Variants in LGALS2 observed in about 807,000 individuals in gnomAD.
The protein encoded by LGALS2 is galectin 2.
Under a neutral mutation model 10.1 loss-of-function variants are expected in LGALS2, and 7 were observed. The observed-to-expected ratio is 0.70, with a 90% CI of 0.40 to 1.31. The LOEUF is 1.31. Ranked by LOEUF, LGALS2 falls within the 50% of genes most tolerant of loss-of-function variation. The probability of loss-of-function intolerance (pLI) is 0.01; values close to 1 mark genes in which losing one functional copy is unlikely to be tolerated. For synonymous variants in LGALS2, 86 were observed against 64.2 expected (o/e 1.34, Z -1.63); for missense variants, 167 against 163.6 (o/e 1.02, Z -0.11).
chr22:37,579,968 C>A lies in LGALS2; in HGVS notation c.-63G>T. On this transcript the variant is annotated 5_prime_UTR_variant, in exon 1 of 4. The change creates a premature stop within an existing upstream ORF in the 5' untranslated region. Coordinates refer to ENST00000215886, the MANE Select transcript of LGALS2 (RefSeq NM_006498.3). ...GAGGCCTGTGCTCAGGGTCTCAACT[C>A]GTGGTCAAGCTTATATCCTAGAATA... The A allele has an allele frequency of 1.9e-6, 3 of 1,586,172 alleles. No homozygotes were observed. The highest frequency in any genetic ancestry group is 2.6e-6 in the Non-Finnish European group (3 of 1,158,194).
chr22:37,570,791 T>G, intron 2 of LGALS2, 56 bp from the exon 3 acceptor site: 1 of 1,606,754 alleles, frequency 6.2e-7, no homozygotes, highest in Non-Finnish European at 8.5e-7. Context: ...ATAAAGCAGC[T>G]TGGGTTGGAG....
At chr22:37,577,386 G>C (rs1017545051) in intron 1 of LGALS2, among the ~76,000 whole-genome samples, 5 of 140,728 alleles carry the variant, frequency 3.6e-5, no homozygotes, top group African/African-American at 1.3e-4. Flanking sequence ...GTCTCACTCT[G>C]TCACCTAGGC....
intron 1 of LGALS2, among the ~76,000 whole-genome samples, chr22:37,577,910 AG>A (rs1467560390): frequency 6.6e-6 from 1 of 152,218 alleles, no homozygotes. Flanking sequence ...GAGGCAAGAA[AG>A]AACCCTCCCC....
At position 37,572,769 on chromosome 22, in the gene LGALS2, A is replaced by AAT. The variant is rs1925538787; in HGVS notation, c.7-839_7-838insAT. 6.6e-5 allele frequency among the ~76,000 whole-genome samples: 9 copies of AAT among 136,404 alleles called. No individual in the cohort carries two copies. The East Asian group carries it at 1.9e-3, about 29-fold the overall frequency. 89.5% of individuals were successfully genotyped at this position (136,404 alleles called of 152,430 possible). ...GCGACAGAGCGAAACTCCATCTCAA[A>AAT]AATAATAATAATAATAATAATAATA... On this transcript the variant is annotated intron_variant, in intron 1 of 3. Transcript: ENST00000215886.
intron 1 of LGALS2, among the ~76,000 whole-genome samples, chr22:37,579,471 T>C (rs1351640024): frequency 6.6e-6 from 1 of 151,872 alleles, no homozygotes; most frequent in Non-Finnish European, 1.5e-5. Context: ...TCACTCTTGT[T>C]GCCCAGGCTG....
At chr22:37,571,482 A>T (rs1925496340) in intron 2 of LGALS2, among the ~76,000 whole-genome samples, 1 of 152,062 alleles carries the variant, frequency 6.6e-6, no homozygotes, top group African/African-American at 2.4e-5. Context: ...ATGCTCATGA[A>T]ATGCCAGCCT....
intron 1 of LGALS2, among the ~76,000 whole-genome samples, chr22:37,575,582 C>T (rs1196918450): frequency 6.6e-6 from 1 of 151,768 alleles, no homozygotes; most frequent in Non-Finnish European, 1.5e-5. Context: ...CACCTCAGCC[C>T]CCCAGGTAGC....
chr22:37,575,778 G>A (rs1485857707), intron 1 of LGALS2, among the ~76,000 whole-genome samples: 8 of 152,128 alleles, frequency 5.3e-5, no homozygotes, highest in Non-Finnish European at 7.4e-5. Flanking sequence ...TATAAGAGAC[G>A]CCTGGAGGAG....
At position 37,572,209 on chromosome 22, in the gene LGALS2, C is replaced by T. The variant is rs147897346; in HGVS notation, c.7-278G>A. On this transcript the variant is annotated intron_variant, in intron 1 of 3. Transcript: ENST00000215886. The stretch of plus-strand genomic sequence containing the variant: ...TCAGTTTGCCCATCTATGAAATGGG[C>T]AGAGTGCTTCCTGCCCAGTTCCGCA... Among the ~76,000 whole-genome samples, 208 of 152,358 alleles carry T rather than the reference C, an allele frequency of 1.4e-3. 1 individual carries two copies. The highest frequency in any genetic ancestry group is 6.8e-3 in the Middle Eastern group (2 of 294).
chr22:37,576,118 G>A (rs985393850), intron 1 of LGALS2, among the ~76,000 whole-genome samples: 1 of 152,128 alleles, frequency 6.6e-6, no homozygotes, highest in Non-Finnish European at 1.5e-5. Context: ...ACACAACGGG[G>A]TTGGGTCCAG....
rs376834443 is a variant in LGALS2 at position 37,570,516 on chromosome 22, T to C, written c.249+60A>G. 75 of 1,610,284 alleles carry C rather than the reference T, an allele frequency of 4.7e-5. No homozygotes were observed. The African/African-American group carries it at 7.6e-4, about 16-fold the overall frequency. On this transcript the variant is annotated intron_variant, in intron 3 of 3. Coordinates refer to ENST00000215886, the MANE Select transcript of LGALS2 (RefSeq NM_006498.3). ...CAGCACCTGTGTCCAGGCCAGGCTC[T>C]CTTCCATCTGGGCCCTCCCCTTGAC...
chr22:37,580,037 C>T lies in LGALS2; in HGVS notation c.-132G>A, dbSNP rs185767972. The T allele has an allele frequency of 1.2e-6, 1 of 851,860 alleles. No individual in the cohort carries two copies. Among genetic ancestry groups the T allele is most frequent in the African/African-American group, 1.7e-5 (1 of 60,198 alleles). The allele number at this position is 851,860 out of a possible 1,614,324, so 52.8% of individuals were successfully genotyped here. On this transcript the variant is annotated 5_prime_UTR_variant, in exon 1 of 4. Transcript: ENST00000215886. ...AAGGTCCTAGGTGAGGACTTTGCCC[C>T]TTCTACCTTGTGTCTCCCCGCCTGC...
intron 1 of LGALS2, among the ~76,000 whole-genome samples, chr22:37,579,532 A>G (rs1023829636): frequency 2.0e-5 from 3 of 152,088 alleles, no homozygotes; most frequent in African/African-American, 7.2e-5. Context: ...TCCCAGGTCC[A>G]AGTGATTCTC....
At chr22:37,573,789 G>T (rs958034446) in intron 1 of LGALS2, among the ~76,000 whole-genome samples, 1 of 151,292 alleles carries the variant, frequency 6.6e-6, no homozygotes, top group African/African-American at 2.4e-5. Flanking sequence ...GGAGTGCAAC[G>T]GTGCGATCTC....
Position 37,571,869 on chromosome 22 carries a change from G to T in LGALS2, c.69C>A (p.Ser23Arg), listed in dbSNP as rs765647574. The change falls in exon 2 of 4, where the codon AGC becomes AGA. Residue 23 changes from serine to arginine, a missense_variant. Transcript: ENST00000215886. ...CTCACCCATCAGTGCCATCGGCGATGCTGCCTGTGATCTTCAGGGTTGACC... is the reference window on the plus strand; with the variant it reads ...CTCACCCATCAGTGCCATCGGCGATTCTGCCTGTGATCTTCAGGGTTGACC... ...KPGSTLKITG[S>R]IADGTDGFVI... 1.4e-5 allele frequency: 23 copies of T among 1,613,922 alleles called. No homozygotes were observed. Among genetic ancestry groups the T allele is most frequent in the Non-Finnish European group, 1.9e-5 (23 of 1,179,932 alleles).
intron 1 of LGALS2, among the ~76,000 whole-genome samples, chr22:37,576,839 G>C (rs978826999): frequency 6.6e-6 from 1 of 152,212 alleles, no homozygotes; most frequent in Non-Finnish European, 1.5e-5. Flanking sequence ...AGAAGCACTC[G>C]GAAGTCCAGG....
At chr22:37,576,416 C>T (rs1031369819) in intron 1 of LGALS2, among the ~76,000 whole-genome samples, 8 of 148,304 alleles carry the variant, frequency 5.4e-5, no homozygotes, top group African/African-American at 2.0e-4. Flanking sequence ...GGCGCCACTG[C>T]ACTCCAGCCT....
chr22:37,571,094 C>T (rs985234519), intron 2 of LGALS2, among the ~76,000 whole-genome samples: 4 of 152,208 alleles, frequency 2.6e-5, no homozygotes, highest in East Asian at 1.9e-4. Flanking sequence ...GGTGTGCAAC[C>T]GGGGTTGTAT....
At chr22:37,576,269 G>A (rs1050985683) in intron 1 of LGALS2, among the ~76,000 whole-genome samples, 10 of 151,836 alleles carry the variant, frequency 6.6e-5, no homozygotes, top group East Asian at 3.9e-4. Context: ...TGGCTAACAC[G>A]GTGAAACCCT....
Sources: gnomAD v4.1 joint callset for allele counts (sites outside exome capture counted in the v4.1 genomes callset) on GRCh38, gnomAD v4.1.1 for gene constraint, MANE v1.5 for transcripts, NCBI Gene and HGNC (gene_info 2026-07-23, HGNC 2026-07-21) for gene names.